ATP11A: variants seen among roughly 807,000 people sequenced by gnomAD.
ATP11A encodes the protein phospholipid-transporting ATPase IH.
ATP11A carries 81 observed loss-of-function variants against 154.4 expected under a neutral mutation model. The observed-to-expected ratio is 0.52, with a 90% confidence interval of 0.44 to 0.63. The LOEUF is 0.63. Ranked by LOEUF, ATP11A falls within the 30% of genes least tolerant of loss-of-function variation. ATP11A has a pLI of 0.00. For synonymous variants in ATP11A, 623 were observed against 585.9 expected (o/e 1.06, Z -0.91); for missense variants, 1,316 against 1,474.3 (o/e 0.89, Z 1.76).
chr13:112,875,968 G>C lies in ATP11A; in HGVS notation c.3327+27G>C, dbSNP rs529626498. The C allele has an allele frequency of 2.5e-6, 4 of 1,595,082 alleles. No homozygotes were observed. In the South Asian group the frequency reaches 4.4e-5, roughly 18 times the overall value. The stretch of plus-strand genomic sequence containing the variant: ...TACGGAGTGTCCCCAGCCGGGGCGG[G>C]GGTGCCTCAGGGCCCTGGCCTTAGG... On this transcript the variant is annotated intron_variant, in intron 28 of 29. Coordinates refer to ENST00000375645, the MANE Select transcript of ATP11A (RefSeq NM_015205.3). The surrounding 1 kb of genome is among the most constrained non-coding windows in gnomAD (Gnocchi z 4.1).
At chr13:112,853,849 G>A (rs551127360) in intron 18 of ATP11A, among the ~76,000 whole-genome samples, 26 of 152,324 alleles carry the variant, frequency 1.7e-4, no homozygotes, top group African/African-American at 6.0e-4. Context: ...ACTTAGAACA[G>A]TTTATACAAA....
intron 1 of ATP11A, among the ~76,000 whole-genome samples, chr13:112,702,414 C>T (rs1239502621): frequency 6.6e-6 from 1 of 152,130 alleles, no homozygotes; most frequent in African/African-American, 2.4e-5. Context: ...GCCCCCCGCC[C>T]CGCCCCCCGC....
In ATP11A at chr13:112,842,993, G is replaced by A. The variant is rs1047506616; in HGVS notation, c.1809+614G>A. 1.4e-4 allele frequency among the ~76,000 whole-genome samples: 21 copies of A among 152,358 alleles called. No homozygotes were observed. In the East Asian group the frequency reaches 3.5e-3, roughly 25 times the overall value. ...AGGGCCTCCCCTCCCCGTCAGACGC[G>A]CTAAAGCCGGGCAACACGTGGCTGG... On this transcript the variant is annotated intron_variant, in intron 17 of 29. Transcript: ENST00000375645.
intron 2 of ATP11A, among the ~76,000 whole-genome samples, chr13:112,795,449 A>G (rs2077976073): frequency 6.6e-6 from 1 of 152,230 alleles, no homozygotes; most frequent in African/African-American, 2.4e-5. Flanking sequence ...CCACTGTCAC[A>G]GTTCCCAGCT....
At position 112,824,324 on chromosome 13, in the gene ATP11A, C is replaced by G. The variant is rs370050667; in HGVS notation, c.791-20C>G. 6.2e-6 allele frequency: 10 copies of G among 1,602,382 alleles called. No homozygotes were observed. Among genetic ancestry groups the G allele is most frequent in the African/African-American group, 4.0e-5 (3 of 74,606 alleles). ...ACACACTTGCGCCCTGGTCATCACC[C>G]TTGCTCTTCCTCTCTGTAGGTGTGG... On this transcript the variant is annotated intron_variant, in intron 9 of 29. Coordinates refer to ENST00000375645, the MANE Select transcript of ATP11A (RefSeq NM_015205.3).
In ATP11A at chr13:112,823,411, T is replaced by C. The variant is rs1022618341; in HGVS notation, c.790+2T>C. Reference sequence around the variant, plus strand: ...TGAAGAACACTGAGAAAATCTTTGGTAAATATTTAATTAATTATTAACCAT... The same window carrying C: ...TGAAGAACACTGAGAAAATCTTTGGCAAATATTTAATTAATTATTAACCAT... On this transcript the variant is annotated splice_donor_variant, in intron 9 of 29. Transcript: ENST00000375645. LOFTEE classifies it high-confidence loss of function. 5.0e-6 allele frequency: 8 copies of C among 1,607,880 alleles called. No individual in the cohort carries two copies. The highest frequency in any genetic ancestry group is 6.8e-6 in the Non-Finnish European group (8 of 1,174,866).
intron 19 of ATP11A, among the ~76,000 whole-genome samples, chr13:112,854,819 T>C (rs546754120): frequency 1.3e-4 from 20 of 152,366 alleles, no homozygotes; most frequent in African/African-American, 4.8e-4. Flanking sequence ...TAAAATATTT[T>C]GAGTGGGATA....
In ATP11A at chr13:112,820,071, G is replaced by T. The variant is rs186601291; in HGVS notation, c.725+121G>T. 5 of 975,062 alleles carry T rather than the reference G, an allele frequency of 5.1e-6. No homozygotes were observed. In the Admixed American group the frequency reaches 1.3e-4, roughly 25 times the overall value. The allele number at this position is 975,062 out of a possible 1,614,324, so 60.4% of individuals were successfully genotyped here. ...TGGTAGATTTGGAAGGTGGAGTTCC[G>T]CTTTCCCACAGGGCCGGGCTCCACT... On this transcript the variant is annotated intron_variant, in intron 8 of 29. Transcript: ENST00000375645.
At chr13:112,739,259 C>G (rs556210593) in intron 1 of ATP11A, among the ~76,000 whole-genome samples, 1 of 152,330 alleles carries the variant, frequency 6.6e-6, no homozygotes, top group Admixed American at 6.5e-5. Context: ...ACACAAAGAA[C>G]TCTGTCAACT....
In ATP11A at chr13:112,731,556, C is replaced by T. The variant is rs556875823; in HGVS notation, c.39+41101C>T. On this transcript the variant is annotated intron_variant, in intron 1 of 29. Coordinates refer to ENST00000375645, the MANE Select transcript of ATP11A (RefSeq NM_015205.3). ...TTTATGAGTAAAGTTTTAAGTGTGA[C>T]GATGTAAGTGAAAATTCAAGAGTGG... is the stretch of plus-strand genomic sequence containing the variant. 6.7e-4 allele frequency among the ~76,000 whole-genome samples: 102 copies of T among 152,174 alleles called. 1 individual carries two copies. The highest frequency in any genetic ancestry group is 2.2e-3 in the African/African-American group (91 of 41,524).
intron 14 of ATP11A, among the ~76,000 whole-genome samples, chr13:112,834,076 C>T (rs1428203211): frequency 6.6e-6 from 1 of 152,234 alleles, no homozygotes; most frequent in East Asian, 1.9e-4. Flanking sequence ...GTCGCTGACC[C>T]CCAGGCGTGC....
chr13:112,804,934 A>G lies in ATP11A; in HGVS notation c.163-23A>G, dbSNP rs754036545. 4.1e-6 allele frequency: 6 copies of G among 1,458,306 alleles called. No individual in the cohort carries two copies. The African/African-American group carries it at 7.0e-5, about 17-fold the overall frequency. 90.3% of individuals were successfully genotyped at this position (1,458,306 alleles called of 1,614,324 possible). A position where few individuals can be genotyped will look rare whatever the true frequency, so the allele number is the denominator to read the frequency against. On this transcript the variant is annotated intron_variant, in intron 2 of 29. Coordinates refer to ENST00000375645, the MANE Select transcript of ATP11A (RefSeq NM_015205.3). ...GAGTAAAATCTGATCTCAATGATGGATGTTTGTTTTTCTTTTATGCAGTAC... is the reference window on the plus strand; with the variant it reads ...GAGTAAAATCTGATCTCAATGATGGGTGTTTGTTTTTCTTTTATGCAGTAC...
Position 112,785,290 on chromosome 13 carries a change from T to C in ATP11A, c.162+33T>C. On this transcript the variant is annotated intron_variant, in intron 2 of 29. Transcript: ENST00000375645. This position sits in a 1 kb window ranked among gnomAD's most constrained non-coding sequence, Gnocchi z 4.8. ...GGCTTGGGTCTGAGTGTCCATAATG[T>C]GTCTAAAAAGCAGCTGCCGGGGGGT... 1 of 1,411,964 alleles carries C rather than the reference T, an allele frequency of 7.1e-7. No homozygotes were observed. Among genetic ancestry groups the C allele is most frequent in the Non-Finnish European group, 9.3e-7 (1 of 1,073,534 alleles). The allele number at this position is 1,411,964 out of a possible 1,614,324, so 87.5% of individuals were successfully genotyped here.
rs897620459 is a variant in ATP11A at position 112,858,082 on chromosome 13, G to A, written c.2522-63G>A. 33 of 1,591,598 alleles carry A rather than the reference G, an allele frequency of 2.1e-5. No homozygotes were observed. The East Asian group carries it at 2.9e-4, about 14-fold the overall frequency. On this transcript the variant is annotated intron_variant, in intron 21 of 29. Transcript: ENST00000375645. ...GATGGTTTCATCCGTTCTTCTCCCC[G>A]TCCCTGCCCTGTGTGTGGTGTGCAG... is the stretch of plus-strand genomic sequence containing the variant.
chr13:112,856,529 C>T (rs78946313), intron 20 of ATP11A: 2,199 of 153,222 alleles, frequency 0.014, 40 homozygotes, highest in African/African-American at 0.05. Context: ...AATAATTTGC[C>T]GAAAAGGCTG....
chr13:112,794,825 G>A (rs572999935), intron 2 of ATP11A, among the ~76,000 whole-genome samples: 2 of 152,142 alleles, frequency 1.3e-5, no homozygotes, highest in African/African-American at 4.8e-5. Context: ...CCGAGATTGT[G>A]CCAACGCACT....
At chr13:112,755,285 T>G (rs1215792070) in intron 1 of ATP11A, among the ~76,000 whole-genome samples, 1 of 152,034 alleles carries the variant, frequency 6.6e-6, no homozygotes, top group Non-Finnish European at 1.5e-5. Context: ...GTCGCTGGGT[T>G]TTCGTGTCTT....
chr13:112,721,391 A>T (rs1003748325), intron 1 of ATP11A, among the ~76,000 whole-genome samples: 5 of 152,228 alleles, frequency 3.3e-5, no homozygotes, highest in African/African-American at 1.2e-4. Flanking sequence ...CTCACTAAGC[A>T]CTAAGAACAA....
intron 29 of ATP11A, chr13:112,881,530 G>GC: frequency 1.8e-6 from 2 of 1,132,636 alleles, no homozygotes; most frequent in Non-Finnish European, 2.2e-6. Context: ...TATCCCTGGG[G>GC]CCCCTGGGTT....
Sources: gnomAD v4.1 joint callset for allele counts (sites outside exome capture counted in the v4.1 genomes callset) on GRCh38, gnomAD v4.1.1 for gene constraint, Gnocchi (gnomAD v3.1) non-coding constraint, MANE v1.5 for transcripts, NCBI Gene and HGNC (gene_info 2026-07-23, HGNC 2026-07-21) for gene names.